The following PTPRB variants were observed in gnomAD, a reference collection of about 807,000 sequenced individuals.
PTPRB encodes the protein protein tyrosine phosphatase receptor type B, also known as receptor-type tyrosine-protein phosphatase beta.
PTPRB carries 97 observed loss-of-function variants against 238.1 expected under a neutral mutation model. That is an observed-to-expected ratio of 0.41 (90% CI 0.35 to 0.48). PTPRB has a LOEUF of 0.48. Ranked by LOEUF, PTPRB falls within the 20% of genes least tolerant of loss-of-function variation. The pLI is 0.30. For missense variants in PTPRB, 2,292 were observed against 2,681.9 expected, an observed-to-expected ratio of 0.85 and a Z score of 3.21; for synonymous variants, 970 against 995.4, an observed-to-expected ratio of 0.97 and a Z score of 0.48.
chr12:70,636,113 C>T (rs950313420), intron 1 of PTPRB, 47 bp from the exon 2 acceptor site: 5 of 1,482,526 alleles, frequency 3.4e-6, no homozygotes, highest in Non-Finnish European at 4.5e-6. Flanking sequence ...AATTATGAGG[C>T]CCATTAGAAA....
intron 18 of PTPRB, among the ~76,000 whole-genome samples, chr12:70,558,263 C>T (rs1408826181): frequency 6.6e-6 from 1 of 152,122 alleles, no homozygotes; most frequent in Non-Finnish European, 1.5e-5. Flanking sequence ...CCTGAGCTCG[C>T]CATAAACTAA....
At chr12:70,605,257 A>C (rs982538201) in intron 4 of PTPRB, among the ~76,000 whole-genome samples, 1 of 152,234 alleles carries the variant, frequency 6.6e-6, no homozygotes, top group Non-Finnish European at 1.5e-5. Flanking sequence ...TAATCCAATG[A>C]GAATAGAATA....
intron 18 of PTPRB, among the ~76,000 whole-genome samples, chr12:70,558,310 AC>A (rs767817156): frequency 1.2e-4 from 19 of 152,200 alleles, no homozygotes; most frequent in Non-Finnish European, 2.4e-4. Flanking sequence ...CTCTTGACAC[AC>A]AAATAACTGC....
intron 26 of PTPRB, 38 bp from the exon 27 acceptor site, chr12:70,539,052 G>T (rs1361605763): frequency 6.8e-7 from 1 of 1,479,096 alleles, no homozygotes. Context: ...TGGAGAATAT[G>T]AAATAGAATA....
In PTPRB at chr12:70,637,234, C is replaced by T; in HGVS notation, c.55+107G>A. ...TTTTCATCGTCTTTGGCTAAACTGC[C>T]ATGGAGACCTGGCCCCTTCTACCTT... On this transcript the variant is annotated intron_variant, in intron 1 of 33. Transcript: ENST00000334414. The T allele has an allele frequency of 7.2e-6, 7 of 966,392 alleles. No homozygotes were observed. The South Asian group carries it at 1.1e-4, about 15-fold the overall frequency. The allele number at this position is 966,392 out of a possible 1,614,324, so 59.9% of individuals were successfully genotyped here.
chr12:70,567,000 G>GAATCT (rs569873221), intron 14 of PTPRB, among the ~76,000 whole-genome samples: 108 of 152,270 alleles, frequency 7.1e-4, no homozygotes, highest in African/African-American at 2.5e-3. Context: ...GCATACCTAT[G>GAATCT]AATCTAGAAA....
chr12:70,630,867 A>G (rs1024345777), intron 2 of PTPRB, among the ~76,000 whole-genome samples: 18 of 152,304 alleles, frequency 1.2e-4, no homozygotes, highest in African/African-American at 4.1e-4. Flanking sequence ...AATCCAACTT[A>G]CAAGGGATGT....
chr12:70,572,108 A>T (rs1880132402), intron 11 of PTPRB, 21 bp from the exon 12 acceptor site: 1 of 1,581,990 alleles, frequency 6.3e-7, no homozygotes, highest in Non-Finnish European at 8.6e-7. Flanking sequence ...AACAGAGAGT[A>T]ACTAAATATT....
Position 70,635,990 on chromosome 12 carries a change from G to T in PTPRB, c.132C>A (p.Asn44Lys), listed in dbSNP as rs1410481035. 6.2e-7 allele frequency: 1 copy of T among 1,613,538 alleles called. No homozygotes were observed. The highest frequency in any genetic ancestry group is 8.5e-7 in the Non-Finnish European group (1 of 1,179,748). The stretch of plus-strand genomic sequence containing the variant: ...TCCACTGCTGGTTCTGGATGGTCCT[G>T]TTGCATGAGCCCACGACCACTTTCT... ...KNEKVVVGSC[N>K]RTIQNQQWMW... The change falls in exon 2 of 34, where the codon AAC becomes AAA. Residue 44 changes from asparagine to lysine, a missense_variant. Asn to Lys is a moderately conservative substitution (Grantham distance 94). Coordinates refer to ENST00000334414, the MANE Select transcript of PTPRB (RefSeq NM_001109754.4).
chr12:70,565,704 T>C (rs939288230), intron 15 of PTPRB, among the ~76,000 whole-genome samples: 3 of 152,234 alleles, frequency 2.0e-5, no homozygotes, highest in Non-Finnish European at 4.4e-5. Context: ...ATGTACTTAA[T>C]AAATAAGTTA....
intron 31 of PTPRB, among the ~76,000 whole-genome samples, chr12:70,532,649 T>A (rs962834521): frequency 6.6e-6 from 1 of 152,018 alleles, no homozygotes; most frequent in Non-Finnish European, 1.5e-5. Flanking sequence ...CCTCCCTCCC[T>A]CTTTCCGTCC....
intron 21 of PTPRB, 119 bp from the exon 22 acceptor site, chr12:70,544,782 G>A: frequency 1.7e-6 from 1 of 585,194 alleles, no homozygotes; most frequent in South Asian, 2.3e-5. Flanking sequence ...TAGAATATGA[G>A]TTATGGAATC....
chr12:70,598,432 TG>T (rs1463670124), intron 4 of PTPRB, among the ~76,000 whole-genome samples: 2 of 152,210 alleles, frequency 1.3e-5, no homozygotes, highest in Admixed American at 6.5e-5. Flanking sequence ...GCAGACAGCA[TG>T]GGCTTTGGAG....
Position 70,534,660 on chromosome 12 carries a change from G to A in PTPRB, c.6205-9C>T, listed in dbSNP as rs1224648333. Reference sequence around the variant, plus strand: ...GCATCAAGCTGTTCCTCCTGTAAGAGCAGAGAGCAGGATAAAAGAGGAACT... The same window carrying A: ...GCATCAAGCTGTTCCTCCTGTAAGAACAGAGAGCAGGATAAAAGAGGAACT... On this transcript the variant is annotated splice_polypyrimidine_tract_variant and intron_variant, in intron 30 of 33. Coordinates refer to ENST00000334414, the MANE Select transcript of PTPRB (RefSeq NM_001109754.4). 1.2e-6 allele frequency: 2 copies of A among 1,610,834 alleles called. No homozygotes were observed. Among genetic ancestry groups the A allele is most frequent in the South Asian group, 2.2e-5 (2 of 90,332 alleles).
Position 70,534,520 on chromosome 12 carries a change from G to A in PTPRB, c.6336C>T (p.Ser2112=). 1.2e-6 allele frequency: 2 copies of A among 1,613,262 alleles called. No individual in the cohort carries two copies. The highest frequency in any genetic ancestry group is 1.7e-6 in the Non-Finnish European group (2 of 1,179,722). The change falls in exon 31 of 34, where the codon AGC becomes AGT. Residue 2112 remains serine, a synonymous_variant. Coordinates refer to ENST00000334414, the MANE Select transcript of PTPRB (RefSeq NM_001109754.4). The part of the protein sequence containing the change: ...VRTVRDYINR[S]PGAGPTVVHC... The stretch of plus-strand genomic sequence containing the variant: ...GCACCACAGTGGGCCCAGCACCCGG[G>A]CTTCTGTTGATGTAGTCCCTGACAG...
intron 3 of PTPRB, among the ~76,000 whole-genome samples, chr12:70,619,016 A>G (rs145719739): frequency 3.9e-5 from 6 of 152,266 alleles, no homozygotes; most frequent in Non-Finnish European, 7.4e-5. Context: ...GAATACTCTG[A>G]TCCCCAATAG....
Position 70,525,265 on chromosome 12 carries a change from C to T in PTPRB, c.6505-674G>A, listed in dbSNP as rs139792740. The T allele has an allele frequency of 2.1e-4, 32 of 152,284 alleles. No individual in the cohort carries two copies. In the East Asian group the frequency reaches 3.7e-3, roughly 17 times the overall value. The allele number at this position is 152,284 out of a possible 1,614,324, so 9.4% of individuals were successfully genotyped here. ...CTCAAAGTTCATGTCTTTTTCACTA[C>T]ACCAGTTTTCTTAGATGAATCCCAA... On this transcript the variant is annotated intron_variant, in intron 32 of 33. Coordinates refer to ENST00000334414, the MANE Select transcript of PTPRB (RefSeq NM_001109754.4).
intron 4 of PTPRB, among the ~76,000 whole-genome samples, chr12:70,606,374 AT>A (rs1566005531): frequency 6.6e-6 from 1 of 152,132 alleles, no homozygotes; most frequent in African/African-American, 2.4e-5. Flanking sequence ...ATTTAATTCA[AT>A]TTTTTTATCC....
At chr12:70,548,344 TCTCACACA>T (rs57107533) in intron 21 of PTPRB, among the ~76,000 whole-genome samples, 1,562 of 20,372 alleles carry the variant, frequency 0.077, 21 homozygotes, top group African/African-American at 0.16. Flanking sequence ...TCTCTCTCTC[TCTCACACA>T]CACACACACA....
Sources: allele counts gnomAD v4.1 joint callset (sites outside exome capture counted in the v4.1 genomes callset), GRCh38; gene constraint gnomAD v4.1.1; transcripts MANE v1.5; gene names NCBI Gene and HGNC (gene_info 2026-07-23, HGNC 2026-07-21).